The following LRTM3 variants were observed in gnomAD, a reference collection of about 807,000 sequenced individuals.
The protein encoded by LRTM3 is leucine rich repeat transmembrane protein 3.
the LRTM3 span, chr13:102,735,887 C>T: frequency 6.5e-7 from 1 of 1,539,356 alleles, no homozygotes; most frequent in African/African-American, 1.4e-5. Flanking sequence ...CGGAACCACT[C>T]CAGGTTCCTT....
the LRTM3 span, chr13:102,744,661 C>T: frequency 5.2e-6 from 8 of 1,550,860 alleles, no homozygotes; most frequent in Admixed American, 2.0e-5. Context: ...CAGGATCTTT[C>T]ATTTGATGTG....
chr13:102,730,326 C>T, the LRTM3 span: 3 of 1,551,274 alleles, frequency 1.9e-6, no homozygotes, highest in Admixed American at 2.0e-5. Context: ...TCCTCACTCT[C>T]ACTTACTTCA....
the LRTM3 span, chr13:102,747,405 T>C: frequency 6.5e-7 from 1 of 1,549,340 alleles, no homozygotes. Flanking sequence ...ATCAGTGAGA[T>C]TGCTGGCTTC....
chr13:102,741,572 G>C, the LRTM3 span: 1 of 1,550,300 alleles, frequency 6.5e-7, no homozygotes, highest in Non-Finnish European at 8.7e-7. Flanking sequence ...CAAATGAAGA[G>C]GTTCCATAAT....
the LRTM3 span, chr13:102,747,761 G>T: frequency 6.4e-7 from 1 of 1,551,200 alleles, no homozygotes; most frequent in Non-Finnish European, 8.7e-7. Context: ...AACTTGAAAT[G>T]GATCCATCAT....
At chr13:102,750,069 C>T in the LRTM3 span, 31 of 1,550,332 alleles carry the variant, frequency 2.0e-5, no homozygotes, top group Non-Finnish European at 2.6e-5. Flanking sequence ...GAAGAAAATC[C>T]TGAATTTTTG....
the LRTM3 span, chr13:102,747,700 T>G: frequency 1.9e-6 from 3 of 1,551,044 alleles, no homozygotes; most frequent in African/African-American, 4.1e-5. Flanking sequence ...TCTTTGGATC[T>G]CCGGCACTCT....
chr13:102,736,352 G>T, the LRTM3 span: 5 of 1,551,088 alleles, frequency 3.2e-6, no homozygotes, highest in Non-Finnish European at 4.4e-6. Flanking sequence ...TGGAGGTGCT[G>T]ATGTCTTTGC....
chr13:102,746,060 T>C, the LRTM3 span: 1 of 1,551,204 alleles, frequency 6.4e-7, no homozygotes, highest in Non-Finnish European at 8.7e-7. Context: ...TATGTCATTT[T>C]CTGTTTCGTT....
chr13:102,740,218 TTTTGGAAA>T, the LRTM3 span: 6 of 1,549,012 alleles, frequency 3.9e-6, no homozygotes, highest in South Asian at 4.8e-5. Context: ...ATTTCATTCC[TTTTGGAAA>T]TAAGAGACTT....
chr13:102,748,719 T>C, the LRTM3 span: 1 of 1,549,644 alleles, frequency 6.5e-7, no homozygotes, highest in Non-Finnish European at 8.7e-7. Context: ...TTTGCTTGTG[T>C]AATTGAGTCT....
At chr13:102,733,389 C>T in the LRTM3 span, 1 of 1,551,302 alleles carries the variant, frequency 6.4e-7, no homozygotes, top group Non-Finnish European at 8.7e-7. Flanking sequence ...TCTGGAGATA[C>T]TTTCGATGAA....
chr13:102,752,611 GTAAA>G, the LRTM3 span, among the ~76,000 whole-genome samples: 5 of 152,102 alleles, frequency 3.3e-5, no homozygotes, highest in East Asian at 9.6e-4. Flanking sequence ...AAAATATTAG[GTAAA>G]TATTTAAAAT....
the LRTM3 span, chr13:102,737,697 A>G: frequency 6.5e-7 from 1 of 1,549,960 alleles, no homozygotes; most frequent in Admixed American, 2.0e-5. Context: ...TGTTGCATGT[A>G]ATCTTTTGCT....
chr13:102,738,527 G>A, the LRTM3 span: 2 of 1,550,666 alleles, frequency 1.3e-6, no homozygotes. Flanking sequence ...CTGTGAAATT[G>A]ATGATTTCAT....
the LRTM3 span, among the ~76,000 whole-genome samples, chr13:102,755,899 A>ATGTGTGTGTGTG: frequency 1.6e-5 from 1 of 61,604 alleles, no homozygotes; most frequent in Non-Finnish European, 4.0e-5. Context: ...ATACACATAT[A>ATGTGTGTGTGTG]TATGTGTGTG....
the LRTM3 span, chr13:102,743,963 C>T: frequency 1.3e-6 from 2 of 1,550,384 alleles, no homozygotes; most frequent in Non-Finnish European, 1.7e-6. Context: ...TGTAATATGA[C>T]CATCCAGATT....
At chr13:102,750,173 G>A in the LRTM3 span, 2 of 1,550,884 alleles carry the variant, frequency 1.3e-6, no homozygotes. Context: ...GCTTAGACAC[G>A]TTTCCTCTAC....
the LRTM3 span, chr13:102,743,058 C>G: frequency 1.3e-6 from 2 of 1,550,334 alleles, no homozygotes; most frequent in South Asian, 1.2e-5. Flanking sequence ...AGCACATCCT[C>G]TGATTTACCA....
Sources: allele counts gnomAD v4.1 joint callset (sites outside exome capture counted in the v4.1 genomes callset), GRCh38; gene constraint gnomAD v4.1.1; transcripts MANE v1.5; gene names NCBI Gene and HGNC (gene_info 2026-07-23, HGNC 2026-07-21).